The following MYO1D variants were observed in gnomAD, a reference collection of about 807,000 sequenced individuals.
The protein encoded by MYO1D is myosin ID.
A neutral mutation model predicts 122.0 loss-of-function variants in MYO1D; 83 were observed. The observed-to-expected ratio is 0.68, with a 90% CI of 0.57 to 0.82. The LOEUF (loss-of-function observed/expected upper bound fraction) is 0.82. MYO1D is among the 40% of genes least tolerant of loss of function. MYO1D has a pLI of 0.00. For synonymous variants in MYO1D, 464 were observed against 446.9 expected (o/e 1.04, Z -0.48); for missense variants, 1,157 against 1,269.5 (o/e 0.91, Z 1.35).
intron 1 of MYO1D, among the ~76,000 whole-genome samples, chr17:32,838,548 C>T (rs539580048): frequency 1.3e-5 from 2 of 152,126 alleles, no homozygotes; most frequent in African/African-American, 4.8e-5. Flanking sequence ...GACAAGTAAA[C>T]AGACAGACGG....
intron 1 of MYO1D, among the ~76,000 whole-genome samples, chr17:32,867,133 C>A (rs1389880578): frequency 1.3e-5 from 2 of 152,040 alleles, no homozygotes; most frequent in African/African-American, 2.4e-5. Context: ...TGAGACCAGC[C>A]TGGCCAACAT....
At chr17:32,560,528 CATATATATAT>C (rs56214129) in intron 21 of MYO1D, among the ~76,000 whole-genome samples, 4,021 of 65,404 alleles carry the variant, frequency 0.061, 370 homozygotes, top group South Asian at 0.074. Context: ...CCAGAGACAA[CATATATATAT>C]ATATATATAT....
chr17:32,800,310 G>T (rs1335495847), intron 1 of MYO1D, among the ~76,000 whole-genome samples: 3 of 152,148 alleles, frequency 2.0e-5, no homozygotes, highest in Non-Finnish European at 4.4e-5. Context: ...CAGAGGAATA[G>T]ATTTTTAAAA....
chr17:32,700,997 A>AT (rs1304798903), intron 16 of MYO1D, among the ~76,000 whole-genome samples: 1 of 151,868 alleles, frequency 6.6e-6, no homozygotes, highest in East Asian at 1.9e-4. Context: ...ATCAGAGGTG[A>AT]TTTTTTGAGG....
chr17:32,607,875 C>G (rs777910132), intron 20 of MYO1D, among the ~76,000 whole-genome samples: 1 of 151,942 alleles, frequency 6.6e-6, no homozygotes, highest in Non-Finnish European at 1.5e-5. Flanking sequence ...GGTGCAAAGA[C>G]AGCTCAATGA....
chr17:32,668,260 T>C (rs995199393), intron 16 of MYO1D, among the ~76,000 whole-genome samples: 2 of 152,162 alleles, frequency 1.3e-5, no homozygotes, highest in African/African-American at 4.8e-5. Flanking sequence ...TGTCTGGCAA[T>C]ATTTCAGCTT....
chr17:32,862,721 G>T (rs2091088328), intron 1 of MYO1D, among the ~76,000 whole-genome samples: 1 of 152,162 alleles, frequency 6.6e-6, no homozygotes, highest in Non-Finnish European at 1.5e-5. Flanking sequence ...CGATTAAATT[G>T]ATTTAATAAC....
chr17:32,705,772 G>A (rs553794513), intron 16 of MYO1D, among the ~76,000 whole-genome samples: 1 of 152,306 alleles, frequency 6.6e-6, no homozygotes, highest in South Asian at 2.1e-4. Context: ...ATTCCCACAT[G>A]TTGTGGGAGG....
intron 1 of MYO1D, among the ~76,000 whole-genome samples, chr17:32,857,601 A>T (rs1051662397): frequency 6.6e-6 from 1 of 151,674 alleles, no homozygotes; most frequent in African/African-American, 2.4e-5. Flanking sequence ...AAAAAAAAAA[A>T]ATAGACTCCT....
chr17:32,716,492 T>C lies in MYO1D; in HGVS notation c.1914-4297A>G, dbSNP rs537343254. Among the ~76,000 whole-genome samples, 9 of 152,276 alleles carry C rather than the reference T, an allele frequency of 5.9e-5. No homozygotes were observed. The South Asian group carries it at 1.9e-3, about 32-fold the overall frequency. ...CTGCCATACTATGAGGCAATAGATATTTGCAGAATGAATGAAAAGAAATCA... is the reference window on the plus strand; with the variant it reads ...CTGCCATACTATGAGGCAATAGATACTTGCAGAATGAATGAAAAGAAATCA... On this transcript the variant is annotated intron_variant, in intron 15 of 21. Transcript: ENST00000318217.
Position 32,767,277 on chromosome 17 carries a change from A to G in MYO1D, c.831+359T>C, listed in dbSNP as rs188827530. ...ATTTCCCAATCTGTAAAATGAGATG[A>G]TTAAAAATCCAGTTCCGATAACCTA... On this transcript the variant is annotated intron_variant, in intron 7 of 21. Transcript: ENST00000318217. Among the ~76,000 whole-genome samples the G allele has an allele frequency of 2.4e-3, 368 of 152,324 alleles. 3 individuals carry two copies. Among genetic ancestry groups the G allele is most frequent in the Non-Finnish European group, 2.1e-3 (146 of 68,028 alleles).
intron 21 of MYO1D, among the ~76,000 whole-genome samples, chr17:32,603,465 G>A (rs1052777712): frequency 6.7e-6 from 1 of 148,508 alleles, no homozygotes; most frequent in Non-Finnish European, 1.5e-5. Flanking sequence ...GCTTATTTGA[G>A]TTATAGACAT....
At chr17:32,712,560 G>A (rs1223742642) in intron 15 of MYO1D, among the ~76,000 whole-genome samples, 2 of 152,084 alleles carry the variant, frequency 1.3e-5, no homozygotes, top group African/African-American at 4.8e-5. Flanking sequence ...AGGTCTAGTC[G>A]ACATAGTGAG....
chr17:32,518,947 T>A (rs1427760098), intron 21 of MYO1D: 1 of 151,964 alleles, frequency 6.6e-6, no homozygotes, highest in African/African-American at 2.4e-5. Context: ...GCGGCCCGGG[T>A]AGGGGATGTG....
intron 1 of MYO1D, among the ~76,000 whole-genome samples, chr17:32,820,738 A>C (rs1340959893): frequency 6.6e-6 from 1 of 152,212 alleles, no homozygotes; most frequent in Admixed American, 6.5e-5. Context: ...TAAACACACA[A>C]AAGAGTAACT....
At chr17:32,816,987 C>T (rs1304933219) in intron 1 of MYO1D, among the ~76,000 whole-genome samples, 1 of 151,932 alleles carries the variant, frequency 6.6e-6, no homozygotes, top group Admixed American at 6.5e-5. Flanking sequence ...AATTATGTAA[C>T]TTAGGCAAGT....
At chr17:32,775,473 A>G (rs1012790966) in intron 4 of MYO1D, among the ~76,000 whole-genome samples, 1 of 152,232 alleles carries the variant, frequency 6.6e-6, no homozygotes, top group Non-Finnish European at 1.5e-5. Context: ...TAAAGCAATG[A>G]ACAAATAGAA....
At chr17:32,842,843 C>T (rs1176451434) in intron 1 of MYO1D, among the ~76,000 whole-genome samples, 1 of 151,588 alleles carries the variant, frequency 6.6e-6, no homozygotes, top group African/African-American at 2.4e-5. Context: ...GTTTTTCGTA[C>T]TCAACACAGT....
chr17:32,636,012 T>A (rs2088093945), intron 20 of MYO1D, among the ~76,000 whole-genome samples: 1 of 152,148 alleles, frequency 6.6e-6, no homozygotes, highest in Non-Finnish European at 1.5e-5. Context: ...GATGAGAAAA[T>A]GGAGGTCCAT....
Sources: allele counts gnomAD v4.1 joint callset (sites outside exome capture counted in the v4.1 genomes callset), GRCh38; gene constraint gnomAD v4.1.1; transcripts MANE v1.5; gene names NCBI Gene and HGNC (gene_info 2026-07-23, HGNC 2026-07-21).